Variants in GAB3 observed in about 807,000 individuals in gnomAD.
The protein encoded by GAB3 is GRB2 associated binding protein 3.
A neutral mutation model predicts 40.4 loss-of-function variants in GAB3; 12 were observed. That is an observed-to-expected ratio of 0.30 (90% CI 0.19 to 0.48). GAB3 has a LOEUF of 0.48. Ranked by LOEUF, GAB3 falls within the 20% of genes least tolerant of loss-of-function variation. GAB3 has a pLI of 0.99. For synonymous variants in GAB3, 154 were observed against 176.7 expected (o/e 0.87, Z 1.02); for missense variants, 381 against 461.9 (o/e 0.82, Z 1.61).
At chrX:154,726,667 G>T (rs1557259399) in intron 1 of GAB3, among the ~76,000 whole-genome samples, 1 of 111,684 alleles carries the variant, frequency 9.0e-6, no homozygotes, top group African/African-American at 3.3e-5. Flanking sequence ...TATCTAAGAG[G>T]TCTGTCAAAC....
At chrX:154,691,882 A>G (rs1224309214) in intron 8 of GAB3, among the ~76,000 whole-genome samples, 2 of 111,950 alleles carry the variant, frequency 1.8e-5, no homozygotes, top group African/African-American at 6.5e-5. Flanking sequence ...GAGATTTTCA[A>G]TGAGAGCGCC....
At chrX:154,729,306 T>C (rs913785353) in intron 1 of GAB3, among the ~76,000 whole-genome samples, 1 of 112,224 alleles carries the variant, frequency 8.9e-6, no homozygotes, top group Non-Finnish European at 1.9e-5. Context: ...GTAAATGGAC[T>C]CAATGCTCTT....
rs782206228 is a variant in GAB3 at position 154,693,148 on chromosome X, A to G, written c.1530+2769T>C. Among the ~76,000 whole-genome samples the G allele has an allele frequency of 6.0e-4, 67 of 112,078 alleles. 3 individuals are homozygous for G. In the South Asian group the frequency reaches 0.024, roughly 40 times the overall value. On this transcript the variant is annotated intron_variant, in intron 8 of 9. Coordinates refer to ENST00000424127, the MANE Select transcript of GAB3 (RefSeq NM_001081573.3). ...CTGTTGGATCCTACAATATGGATGA[A>G]TCTTGAAAACACTAGATGAAATGAA...
intron 9 of GAB3, among the ~76,000 whole-genome samples, chrX:154,678,819 T>C (rs1359008212): frequency 9.0e-6 from 1 of 111,729 alleles, no homozygotes; most frequent in Non-Finnish European, 1.9e-5. Context: ...CCTTCCACCA[T>C]GATTGTAAGT....
chrX:154,719,706 G>T (rs5987015), intron 1 of GAB3, among the ~76,000 whole-genome samples: 1 of 110,623 alleles, frequency 9.0e-6, no homozygotes, highest in Non-Finnish European at 1.9e-5. Flanking sequence ...AAAAACAGAA[G>T]TGAGGTGTTC....
intron 1 of GAB3, among the ~76,000 whole-genome samples, chrX:154,728,736 T>C (rs782121309): frequency 1.8e-5 from 2 of 112,399 alleles, no homozygotes; most frequent in South Asian, 7.3e-4. Flanking sequence ...TGACCTAAAC[T>C]GTATGCTCTG....
At chrX:154,699,256 C>T (rs1311500630) in intron 6 of GAB3, 38 bp downstream of exon 6, 6 of 1,100,288 alleles carry the variant, frequency 5.5e-6, no homozygotes, top group Non-Finnish European at 7.5e-6. Context: ...GAACCTTGCT[C>T]CCCTACCCCT....
intron 1 of GAB3, among the ~76,000 whole-genome samples, chrX:154,722,226 G>A (rs1569557933): frequency 1.8e-5 from 2 of 110,744 alleles, no homozygotes; most frequent in Admixed American, 9.7e-5. Flanking sequence ...GTACGTGGGG[G>A]GAAAAGGTCA....
intron 1 of GAB3, among the ~76,000 whole-genome samples, chrX:154,723,719 G>A (rs1386252353): frequency 9.0e-6 from 1 of 111,482 alleles, no homozygotes; most frequent in Non-Finnish European, 1.9e-5. Flanking sequence ...AAGAGTTCAC[G>A]ATAGACTGTG....
At chrX:154,679,612 A>G (rs2070346591) in intron 9 of GAB3, among the ~76,000 whole-genome samples, 1 of 112,007 alleles carries the variant, frequency 8.9e-6, no homozygotes, top group Admixed American at 9.4e-5. Flanking sequence ...GATAACTTAC[A>G]TGTATTAACT....
chrX:154,734,976 CA>C (rs1297391583), intron 1 of GAB3, among the ~76,000 whole-genome samples: 1 of 108,787 alleles, frequency 9.2e-6, no homozygotes, highest in Non-Finnish European at 1.9e-5. Context: ...AAACAAAGCA[CA>C]AAAAGAGCTT....
At chrX:154,751,184 A>G, upstream of GAB3, 1 of 416,556 alleles carries the variant, frequency 2.4e-6, no homozygotes, top group Non-Finnish European at 3.0e-6. Flanking sequence ...GCCCCCGGGG[A>G]GGGAACCGAC....
intron 4 of GAB3, among the ~76,000 whole-genome samples, chrX:154,710,574 G>A (rs1369982803): frequency 9.0e-6 from 1 of 111,687 alleles, no homozygotes; most frequent in Non-Finnish European, 1.9e-5. Context: ...TCATCGGATG[G>A]AGATCCAGAT....
chrX:154,686,584 T>C (rs1011802521), intron 8 of GAB3, among the ~76,000 whole-genome samples: 1 of 108,590 alleles, frequency 9.2e-6, no homozygotes, highest in Non-Finnish European at 1.9e-5. Flanking sequence ...ACAGCTACTA[T>C]GCATGGTTAA....
At chrX:154,694,445 G>A (rs2070621162) in intron 8 of GAB3, among the ~76,000 whole-genome samples, 1 of 108,591 alleles carries the variant, frequency 9.2e-6, no homozygotes, top group Non-Finnish European at 1.9e-5. Context: ...GGAGTGCAGT[G>A]GCGTTATCTC....
At chrX:154,746,087 T>C (rs1004819925) in intron 1 of GAB3, among the ~76,000 whole-genome samples, 1 of 108,885 alleles carries the variant, frequency 9.2e-6, no homozygotes. Flanking sequence ...GAAAGAAAAT[T>C]TGTAGTTGAT....
intron 4 of GAB3, among the ~76,000 whole-genome samples, chrX:154,702,012 C>T (rs1557252378): frequency 8.9e-6 from 1 of 111,850 alleles, no homozygotes; most frequent in Non-Finnish European, 1.9e-5. Context: ...GAAAAAAAAT[C>T]CTAAAATTTG....
rs1415936882 is a variant in GAB3, at chrX:154,699,592, T to C, written c.1126-79A>G. 15 of 831,565 alleles carry C rather than the reference T, an allele frequency of 1.8e-5. No homozygotes were observed. In the East Asian group the frequency reaches 4.2e-4, roughly 23 times the overall value. The allele number at this position is 831,565 out of a possible 1,213,427, so 68.5% of individuals were successfully genotyped here. ...ATCAGAGGGCGGCCAAAGCTGTACA[T>C]ATGGTTTCAGTTCCAAATTATCCAA... On this transcript the variant is annotated intron_variant, in intron 5 of 9. Coordinates refer to ENST00000424127, the MANE Select transcript of GAB3 (RefSeq NM_001081573.3).
chrX:154,735,670 C>G (rs139290016), intron 1 of GAB3, among the ~76,000 whole-genome samples: 133 of 112,473 alleles, frequency 1.2e-3, no homozygotes, highest in Non-Finnish European at 1.9e-3. Context: ...CCTGGTCTCC[C>G]TGCTTCTGCC....
Sources: gnomAD v4.1 joint callset for allele counts (sites outside exome capture counted in the v4.1 genomes callset) on GRCh38, gnomAD v4.1.1 for gene constraint, MANE v1.5 for transcripts, NCBI Gene and HGNC (gene_info 2026-07-23, HGNC 2026-07-21) for gene names.